ADARB2: variants seen among roughly 807,000 people sequenced by gnomAD.
ADARB2 encodes inactive double-stranded RNA-specific editase B2.
In ADARB2, 25 loss-of-function variants were observed where a neutral mutation model predicts 62.2. The ratio of observed to expected loss-of-function variants is 0.40; its 90% confidence interval spans 0.29 to 0.56. ADARB2 has a LOEUF of 0.56. ADARB2 is among the 20% of genes least tolerant of loss of function. The pLI is 0.43. For missense variants in ADARB2, 1,071 were observed against 1,077.4 expected (o/e 0.99, Z 0.08); for synonymous variants, 572 against 500.8 (o/e 1.14, Z -1.90).
intron 3 of ADARB2, among the ~76,000 whole-genome samples, chr10:1,303,527 A>G (rs1831595266): frequency 6.6e-6 from 1 of 152,188 alleles, no homozygotes; most frequent in Non-Finnish European, 1.5e-5. Flanking sequence ...AATACAGAGA[A>G]TGCCACAAAG....
At chr10:1,453,069 T>A (rs910545737) in intron 1 of ADARB2, among the ~76,000 whole-genome samples, 1 of 152,214 alleles carries the variant, frequency 6.6e-6, no homozygotes, top group Non-Finnish European at 1.5e-5. Flanking sequence ...CCTGGGTCTG[T>A]GACGCCTAGT....
chr10:1,235,157 C>G (rs1009876690), intron 5 of ADARB2, among the ~76,000 whole-genome samples: 5 of 150,662 alleles, frequency 3.3e-5, no homozygotes, highest in African/African-American at 1.2e-4. Context: ...GGCCATACCT[C>G]ACAGTGGACT....
intron 1 of ADARB2, among the ~76,000 whole-genome samples, chr10:1,629,601 C>T (rs566004699): frequency 4.8e-5 from 7 of 147,368 alleles, no homozygotes; most frequent in South Asian, 2.3e-4. Context: ...TCACAAAGGC[C>T]GGGTGCTTCC....
intron 1 of ADARB2, among the ~76,000 whole-genome samples, chr10:1,590,208 T>G (rs899994354): frequency 6.6e-6 from 1 of 152,244 alleles, no homozygotes; most frequent in Admixed American, 6.5e-5. Flanking sequence ...GACTTCCATC[T>G]GTGCTCATTT....
intron 1 of ADARB2, among the ~76,000 whole-genome samples, chr10:1,545,781 G>A (rs537887244): frequency 7.2e-5 from 11 of 152,304 alleles, no homozygotes; most frequent in South Asian, 2.1e-4. Flanking sequence ...GAGGGCGCAC[G>A]GGGCATGTAG....
At chr10:1,258,503 G>A (rs993504418) in intron 4 of ADARB2, among the ~76,000 whole-genome samples, 3 of 152,160 alleles carry the variant, frequency 2.0e-5, no homozygotes, top group Admixed American at 6.5e-5. Context: ...TGCAATCCTA[G>A]TCTCTAATAA....
chr10:1,452,268 TA>T (rs1460662183), intron 1 of ADARB2, among the ~76,000 whole-genome samples: 3 of 152,156 alleles, frequency 2.0e-5, no homozygotes, highest in Admixed American at 1.3e-4. Context: ...GTCGCACATG[TA>T]AATCTAAGTC....
intron 1 of ADARB2, among the ~76,000 whole-genome samples, chr10:1,491,692 C>A (rs932282148): frequency 1.3e-5 from 2 of 152,210 alleles, no homozygotes; most frequent in Non-Finnish European, 2.9e-5. Context: ...CCATAACCTA[C>A]CTTTCTTTAT....
At position 1,367,292 on chromosome 10, in the gene ADARB2, C is replaced by T. The variant is rs1305320804; in HGVS notation, c.188-3375G>A. Reference sequence around the variant, plus strand: ...CTCTGGGCTCTGCTTTGAAAGTGCTCTCTGTTTGCTAAAATCTCTATTTCT... The same window carrying T: ...CTCTGGGCTCTGCTTTGAAAGTGCTTTCTGTTTGCTAAAATCTCTATTTCT... On this transcript the variant is annotated intron_variant, in intron 2 of 9. Transcript: ENST00000381312. Among the ~76,000 whole-genome samples, 4 of 152,316 alleles carry T rather than the reference C, an allele frequency of 2.6e-5. No individual in the cohort carries two copies. In the Middle Eastern group the frequency reaches 0.01, roughly 389 times the overall value.
chr10:1,683,861 A>G (rs576183663), intron 1 of ADARB2, among the ~76,000 whole-genome samples: 1 of 152,312 alleles, frequency 6.6e-6, no homozygotes, highest in East Asian at 1.9e-4. Flanking sequence ...CCGAGGCCGG[A>G]TGTGAGGGGT....
intron 4 of ADARB2, among the ~76,000 whole-genome samples, chr10:1,251,104 A>C (rs1441808279): frequency 4.6e-5 from 7 of 152,160 alleles, no homozygotes; most frequent in Non-Finnish European, 8.8e-5. Flanking sequence ...ATCAATGTTT[A>C]GATGTAAGAA....
intron 4 of ADARB2, among the ~76,000 whole-genome samples, chr10:1,244,531 C>T (rs1486347760): frequency 6.6e-6 from 1 of 152,200 alleles, no homozygotes; most frequent in Non-Finnish European, 1.5e-5. Context: ...TGGCTCCAGA[C>T]TCTGCCACAC....
At chr10:1,665,571 G>A (rs1208106712) in intron 1 of ADARB2, among the ~76,000 whole-genome samples, 1 of 152,274 alleles carries the variant, frequency 6.6e-6, no homozygotes, top group African/African-American at 2.4e-5. Context: ...CCTGCATGCC[G>A]GGGTCCAGCC....
chr10:1,737,423 T>C lies in ADARB2; in HGVS notation c.-273A>G, dbSNP rs1395972567. ...GGGCGGGGAAGGGCGCGCGGCGTCCTGAGTGCTCCGAGCTTCCCGCGGGCT... is the reference window on the plus strand; with the variant it reads ...GGGCGGGGAAGGGCGCGCGGCGTCCCGAGTGCTCCGAGCTTCCCGCGGGCT... On this transcript the variant is annotated 5_prime_UTR_variant, in exon 1 of 10. Transcript: ENST00000381312. 2 of 450,030 alleles carry C rather than the reference T, an allele frequency of 4.4e-6. No homozygotes were observed. Among genetic ancestry groups the C allele is most frequent in the East Asian group, 7.7e-5 (2 of 26,018 alleles). The allele number at this position is 450,030 out of a possible 1,614,324, so 27.9% of individuals were successfully genotyped here.
chr10:1,334,158 C>T (rs11250426), intron 3 of ADARB2, among the ~76,000 whole-genome samples: 6,886 of 152,192 alleles, frequency 0.045, 167 homozygotes, highest in South Asian at 0.098. Context: ...CCTGGAGCAG[C>T]GGTACGGCGG....
intron 3 of ADARB2, among the ~76,000 whole-genome samples, chr10:1,275,306 T>C (rs541991184): frequency 2.0e-5 from 3 of 152,208 alleles, no homozygotes; most frequent in Admixed American, 6.5e-5. Flanking sequence ...AATGGAGATA[T>C]TGCTGGCCGG....
At chr10:1,580,708 A>G (rs1415764351) in intron 1 of ADARB2, among the ~76,000 whole-genome samples, 1 of 148,090 alleles carries the variant, frequency 6.8e-6, no homozygotes, top group Non-Finnish European at 1.5e-5. Flanking sequence ...ACATTGGAAC[A>G]TCACACAGAG....
At chr10:1,481,603 T>G (rs1356354797) in intron 1 of ADARB2, among the ~76,000 whole-genome samples, 1 of 143,574 alleles carries the variant, frequency 7.0e-6, no homozygotes, top group African/African-American at 2.5e-5. Context: ...CTGGGCACAG[T>G]GGCTCACGCA....
intron 1 of ADARB2, among the ~76,000 whole-genome samples, chr10:1,391,766 ATTTTTTTT>A (rs60956446): frequency 3.8e-4 from 35 of 91,646 alleles, no homozygotes; most frequent in African/African-American, 7.9e-4. Flanking sequence ...TAAGAATTGG[ATTTTTTTT>A]TTTTTTTTTT....
Sources: allele counts gnomAD v4.1 joint callset (sites outside exome capture counted in the v4.1 genomes callset), GRCh38; gene constraint gnomAD v4.1.1; transcripts MANE v1.5; gene names NCBI Gene and HGNC (gene_info 2026-07-23, HGNC 2026-07-21).